The following DRC8 variants were observed in gnomAD, a reference collection of about 807,000 sequenced individuals.
The protein encoded by DRC8 is dynein regulatory complex protein 8.
chr1:245,054,738 G>C, the DRC8 span, among the ~76,000 whole-genome samples: 2 of 152,052 alleles, frequency 1.3e-5, no homozygotes, highest in African/African-American at 4.8e-5. Context: ...CTTCATGACC[G>C]GATCCACGTC....
chr1:245,059,168 G>A, the DRC8 span, among the ~76,000 whole-genome samples: 1 of 152,168 alleles, frequency 6.6e-6, no homozygotes, highest in East Asian at 1.9e-4. Context: ...TATTGGCCCA[G>A]GCAAGGCATT....
the DRC8 span, among the ~76,000 whole-genome samples, chr1:244,978,245 G>A: frequency 1.7e-4 from 26 of 152,134 alleles, no homozygotes; most frequent in Non-Finnish European, 2.9e-4. Context: ...TGTAATCTCA[G>A]CACTTTGGGA....
chr1:244,974,663 T>A, the DRC8 span, among the ~76,000 whole-genome samples: 1 of 152,212 alleles, frequency 6.6e-6, no homozygotes, highest in Non-Finnish European at 1.5e-5. Context: ...TTGTTTTTTT[T>A]TTCTTCTTTT....
the DRC8 span, among the ~76,000 whole-genome samples, chr1:245,042,877 C>A: frequency 1.3e-5 from 2 of 152,176 alleles, no homozygotes; most frequent in East Asian, 3.9e-4. Context: ...GATACTACAC[C>A]CACTAAATGC....
the DRC8 span, among the ~76,000 whole-genome samples, chr1:245,043,122 T>C: frequency 6.6e-6 from 1 of 152,220 alleles, no homozygotes; most frequent in African/African-American, 2.4e-5. Context: ...ATATAAGACA[T>C]CTACGTTGAC....
the DRC8 span, among the ~76,000 whole-genome samples, chr1:245,069,198 A>G: frequency 6.6e-6 from 1 of 152,234 alleles, no homozygotes; most frequent in African/African-American, 2.4e-5. Context: ...TCTACCATTG[A>G]CTGGAAGCCA....
chr1:245,040,045 A>G, the DRC8 span, among the ~76,000 whole-genome samples: 23 of 152,054 alleles, frequency 1.5e-4, no homozygotes, highest in Non-Finnish European at 2.6e-4. Context: ...TTCCCCTCAA[A>G]CTCTGGCCCA....
chr1:245,068,147 G>C, the DRC8 span, among the ~76,000 whole-genome samples: 2 of 152,252 alleles, frequency 1.3e-5, no homozygotes, highest in East Asian at 1.9e-4. Context: ...GATCAGCAGC[G>C]GGAAAACGTG....
At chr1:245,082,218 T>G in the DRC8 span, 1 of 1,478,004 alleles carries the variant, frequency 6.8e-7, no homozygotes, top group African/African-American at 1.4e-5. Context: ...TATGAATCCA[T>G]TCATTTCAGG....
chr1:245,095,592 C>T, the DRC8 span, among the ~76,000 whole-genome samples: 5 of 152,116 alleles, frequency 3.3e-5, no homozygotes, highest in African/African-American at 9.7e-5. Context: ...TGCAGAGGCA[C>T]GATCATAGCT....
chr1:245,048,746 C>T, the DRC8 span, among the ~76,000 whole-genome samples: 1 of 152,126 alleles, frequency 6.6e-6, no homozygotes, highest in Non-Finnish European at 1.5e-5. Flanking sequence ...TTTTCATCAT[C>T]ACCATTTTGC....
chr1:245,112,605 T>C, the DRC8 span, among the ~76,000 whole-genome samples: 1 of 152,212 alleles, frequency 6.6e-6, no homozygotes, highest in East Asian at 1.9e-4. Flanking sequence ...AAGTTTACCA[T>C]TTTAACCACT....
At chr1:245,117,012 A>G in the DRC8 span, among the ~76,000 whole-genome samples, 9 of 152,330 alleles carry the variant, frequency 5.9e-5, no homozygotes, top group South Asian at 1.9e-3. Flanking sequence ...AAGATATCCA[A>G]GGTTAAGCAA....
At chr1:245,078,059 A>AT in the DRC8 span, among the ~76,000 whole-genome samples, 2 of 152,118 alleles carry the variant, frequency 1.3e-5, no homozygotes, top group East Asian at 1.9e-4. Context: ...AGGACCTGAC[A>AT]TTTTTTCAAA....
At chr1:244,987,205 C>CT in the DRC8 span, among the ~76,000 whole-genome samples, 427 of 144,390 alleles carry the variant, frequency 3.0e-3, no homozygotes, top group African/African-American at 6.3e-3. Flanking sequence ...GTATTTCTTT[C>CT]TTTTTTTTTT....
chr1:244,988,156 A>C, the DRC8 span, among the ~76,000 whole-genome samples: 1 of 152,194 alleles, frequency 6.6e-6, no homozygotes, highest in Non-Finnish European at 1.5e-5. Flanking sequence ...CCCAATATGG[A>C]ATTAAAGTGA....
At chr1:245,006,238 A>G in the DRC8 span, among the ~76,000 whole-genome samples, 2 of 152,172 alleles carry the variant, frequency 1.3e-5, no homozygotes, top group South Asian at 4.1e-4. Flanking sequence ...ATGGGAAGTG[A>G]GAGAAAGGAG....
the DRC8 span, among the ~76,000 whole-genome samples, chr1:244,980,117 G>C: frequency 6.7e-6 from 1 of 149,556 alleles, no homozygotes; most frequent in East Asian, 2.0e-4. Flanking sequence ...TACTTGGGAG[G>C]CTGAGGCAGG....
chr1:245,064,128 A>G, the DRC8 span, among the ~76,000 whole-genome samples: 1 of 152,230 alleles, frequency 6.6e-6, no homozygotes, highest in Admixed American at 6.5e-5. Context: ...TTAAGTGTCC[A>G]GTAGAATATG....
Sources: allele counts gnomAD v4.1 joint callset (sites outside exome capture counted in the v4.1 genomes callset), GRCh38; gene constraint gnomAD v4.1.1; transcripts MANE v1.5; gene names NCBI Gene and HGNC (gene_info 2026-07-23, HGNC 2026-07-21).